The following VANGL1 variants were observed in gnomAD, a reference collection of about 807,000 sequenced individuals.
VANGL1 encodes the protein vang-like protein 1.
In VANGL1, 18 loss-of-function variants were observed where a neutral mutation model predicts 48.4. That is an observed-to-expected ratio of 0.37 (90% CI 0.26 to 0.55). The LOEUF is 0.55. VANGL1 is among the 20% of genes least tolerant of loss of function. The pLI, the probability that VANGL1 is intolerant of heterozygous loss-of-function variation, is 0.81. For synonymous variants in VANGL1, 257 were observed against 261.8 expected, an observed-to-expected ratio of 0.98 and a Z score of 0.18; for missense variants, 667 against 675.8, an observed-to-expected ratio of 0.99 and a Z score of 0.14.
chr1:115,675,997 C>T (rs1320686381), intron 4 of VANGL1, among the ~76,000 whole-genome samples: 2 of 152,128 alleles, frequency 1.3e-5, no homozygotes, highest in Non-Finnish European at 2.9e-5. Flanking sequence ...CACCAACCAA[C>T]CCCATCACCG....
rs912156307 is a variant in VANGL1 at position 115,682,487 on chromosome 1, C to T, written c.936C>T (p.Tyr312=). 6.2e-7 allele frequency: 1 copy of T among 1,614,068 alleles called. No individual in the cohort carries two copies. The change falls in exon 5 of 8, where the codon TAC becomes TAT. Residue 312 remains tyrosine, a synonymous_variant. Transcript: ENST00000355485. ...AGCATATGGCCGGGCTGAAAGTCTACAATGTAGATGGTATGTGCCTTGAAA... is the reference window on the plus strand; with the variant it reads ...AGCATATGGCCGGGCTGAAAGTCTATAATGTAGATGGTATGTGCCTTGAAA... ...AAKHMAGLKV[Y]NVDGPSNNAT...
intron 4 of VANGL1, among the ~76,000 whole-genome samples, chr1:115,681,824 G>A (rs1008952763): frequency 6.6e-6 from 1 of 152,090 alleles, no homozygotes; most frequent in Non-Finnish European, 1.5e-5. Context: ...TCTTAAGTAC[G>A]CTCTGCCCTG....
rs1653988624 is a variant in VANGL1, at chr1:115,695,154, G to C, written c.*3775G>C. On this transcript the variant is annotated 3_prime_UTR_variant, in exon 8 of 8. Transcript: ENST00000355485. The stretch of plus-strand genomic sequence containing the variant: ...AACAGCAAGAAACAAACAAACAAAG[G>C]TCAAGCTCTAAGAAAATTACTGCTC... 6.6e-6 allele frequency: 1 copy of C among 152,262 alleles called. No individual in the cohort carries two copies. Among genetic ancestry groups the C allele is most frequent in the Admixed American group, 6.5e-5 (1 of 15,278 alleles). The allele number at this position is 152,262 out of a possible 1,614,324, so 9.4% of individuals were successfully genotyped here.
At chr1:115,642,158 C>A (rs973286298) in intron 1 of VANGL1, 72 bp downstream of exon 1, 3 of 151,810 alleles carry the variant, frequency 2.0e-5, no homozygotes, top group African/African-American at 7.3e-5. Context: ...GGAGACGCCC[C>A]CACCTCGGAC....
chr1:115,647,304 G>C (rs567180927), intron 1 of VANGL1, among the ~76,000 whole-genome samples: 11 of 152,200 alleles, frequency 7.2e-5, no homozygotes, highest in African/African-American at 2.6e-4. Flanking sequence ...TATTACCCTG[G>C]GAACCTGATT....
chr1:115,683,889 C>T (rs1044604982), intron 5 of VANGL1, 55 bp from the exon 6 acceptor site: 9 of 1,603,188 alleles, frequency 5.6e-6, no homozygotes, highest in Non-Finnish European at 6.8e-6. Flanking sequence ...GTTTTCTGCT[C>T]TGTTTCCCAC....
At chr1:115,663,039 C>A (rs1409491198) in intron 3 of VANGL1, among the ~76,000 whole-genome samples, 1 of 152,146 alleles carries the variant, frequency 6.6e-6, no homozygotes, top group Non-Finnish European at 1.5e-5. Flanking sequence ...TCCGCCTCGG[C>A]CTTCCAAAGT....
intron 4 of VANGL1, among the ~76,000 whole-genome samples, chr1:115,680,521 G>C (rs1401524306): frequency 6.6e-6 from 1 of 152,188 alleles, no homozygotes; most frequent in Non-Finnish European, 1.5e-5. Flanking sequence ...ATTATGCAAA[G>C]TTGGTCTCAC....
At chr1:115,671,719 A>G (rs1285120757) in intron 4 of VANGL1, among the ~76,000 whole-genome samples, 3 of 152,204 alleles carry the variant, frequency 2.0e-5, no homozygotes, top group Non-Finnish European at 2.9e-5. Context: ...AAATGGCAGC[A>G]TGGCGAGGTT....
chr1:115,683,360 G>A (rs896804184), intron 5 of VANGL1, among the ~76,000 whole-genome samples: 24 of 152,150 alleles, frequency 1.6e-4, no homozygotes, highest in African/African-American at 5.6e-4. Flanking sequence ...GACAGGACAG[G>A]ACTTCTGAGT....
chr1:115,660,198 T>C (rs12087594), intron 3 of VANGL1, among the ~76,000 whole-genome samples: 6,290 of 152,246 alleles, frequency 0.041, 418 homozygotes, highest in African/African-American at 0.14. Context: ...CTCAGATGCC[T>C]GGTAGAGAAA....
chr1:115,655,626 CAG>C (rs1176002967), intron 2 of VANGL1, among the ~76,000 whole-genome samples: 12 of 152,314 alleles, frequency 7.9e-5, no homozygotes, highest in Middle Eastern at 3.4e-3. Flanking sequence ...ACCACTGAGG[CAG>C]AGTTGGAAAA....
At chr1:115,668,966 AC>A (rs2101011649) in intron 4 of VANGL1, among the ~76,000 whole-genome samples, 1 of 152,378 alleles carries the variant, frequency 6.6e-6, no homozygotes, top group South Asian at 2.1e-4. Context: ...ACGACACAAG[AC>A]AGAGGCTACT....
intron 4 of VANGL1, among the ~76,000 whole-genome samples, chr1:115,680,014 TGTGTGTGTATGTGA>T (rs1180436771): frequency 5.0e-4 from 47 of 94,394 alleles, no homozygotes; most frequent in African/African-American, 2.0e-3. Flanking sequence ...TGTGTGTGTG[TGTGTGTGTATGTGA>T]GAGAGAGAGA....
rs1188254560 is a variant in VANGL1 at position 115,695,277 on chromosome 1, A to T, written c.*3898A>T. Reference sequence around the variant, plus strand: ...AGTGATAGGTTACTTACAGTAGCACAGAAATGTTAGCATATTTATTTAAAT... The same window carrying T: ...AGTGATAGGTTACTTACAGTAGCACTGAAATGTTAGCATATTTATTTAAAT... On this transcript the variant is annotated 3_prime_UTR_variant, in exon 8 of 8. Transcript: ENST00000355485. The T allele has an allele frequency of 1.3e-5, 2 of 152,660 alleles. No homozygotes were observed. The allele number at this position is 152,660 out of a possible 1,614,324, so 9.5% of individuals were successfully genotyped here. A position where few individuals can be genotyped will look rare whatever the true frequency, so the allele number is the denominator to read the frequency against.
Position 115,691,236 on chromosome 1 carries a change from G to A in VANGL1, c.1432G>A (p.Gly478Arg). 6.2e-7 allele frequency: 1 copy of A among 1,614,158 alleles called. No homozygotes were observed. The highest frequency in any genetic ancestry group is 1.1e-5 in the South Asian group (1 of 91,078). The change falls in exon 8 of 8, where the codon GGA becomes AGA. Residue 478 changes from glycine to arginine, a missense_variant. Transcript: ENST00000355485. ...GGCTGTGACTAATGGATTACGGGAT[G>A]GAATTGTGTTCGTCCTTAAGTGCTT... is the stretch of plus-strand genomic sequence containing the variant. ...DEAVTNGLRD[G>R]IVFVLKCLDF...
chr1:115,651,555 C>A, intron 2 of VANGL1, 71 bp downstream of exon 2: 2 of 1,356,006 alleles, frequency 1.5e-6, no homozygotes, highest in Non-Finnish European at 2.1e-6. Flanking sequence ...TCTCTACACT[C>A]ACTTTTCAGT....
rs1654004229 is a variant in VANGL1 at position 115,695,594 on chromosome 1, T to C, written c.*4215T>C. ...GAAAATTCAGTTTTGGATCACATTT[T>C]GACAAAACATGTTTTGGTCAAAGAA... On this transcript the variant is annotated 3_prime_UTR_variant, in exon 8 of 8. Transcript: ENST00000355485. 1 of 152,596 alleles carries C rather than the reference T, an allele frequency of 6.6e-6. No individual in the cohort carries two copies. Among genetic ancestry groups the C allele is most frequent in the South Asian group, 2.1e-4 (1 of 4,824 alleles). The allele number at this position is 152,596 out of a possible 1,614,324, so 9.5% of individuals were successfully genotyped here.
intron 4 of VANGL1, among the ~76,000 whole-genome samples, chr1:115,676,363 CTG>C (rs750122304): frequency 5.8e-4 from 88 of 152,162 alleles, no homozygotes; most frequent in Non-Finnish European, 1.2e-3. Flanking sequence ...CTAAGGAAAA[CTG>C]TGCAGAGTGG....
Sources: gnomAD v4.1 joint callset for allele counts (sites outside exome capture counted in the v4.1 genomes callset) on GRCh38, gnomAD v4.1.1 for gene constraint, MANE v1.5 for transcripts, NCBI Gene and HGNC (gene_info 2026-07-23, HGNC 2026-07-21) for gene names.